The following TMEM94 variants were observed in gnomAD, a reference collection of about 807,000 sequenced individuals.
TMEM94 encodes the protein transmembrane protein 94, also known as ER Mg2+ ATPase.
TMEM94 carries 81 observed loss-of-function variants against 158.6 expected under a neutral mutation model. That is an observed-to-expected ratio of 0.51 (90% CI 0.43 to 0.61). The LOEUF (loss-of-function observed/expected upper bound fraction) is 0.61, where lower values mean the gene tolerates loss of function less well. Ranked by LOEUF, TMEM94 falls within the 20% of genes least tolerant of loss-of-function variation. The pLI is 0.00. For missense variants in TMEM94, 1,435 were observed against 1,762.0 expected (o/e 0.81, Z 3.32); for synonymous variants, 751 against 730.7 (o/e 1.03, Z -0.45).
Position 75,495,888 on chromosome 17 carries a change from C to A in TMEM94, c.2945-78C>A. 1 of 1,080,658 alleles carries A rather than the reference C, an allele frequency of 9.3e-7. No individual in the cohort carries two copies. The highest frequency in any genetic ancestry group is 1.4e-6 in the Non-Finnish European group (1 of 714,092). The allele number at this position is 1,080,658 out of a possible 1,614,324, so 66.9% of individuals were successfully genotyped here. On this transcript the variant is annotated intron_variant, in intron 22 of 31. Transcript: ENST00000314256. This position sits in a 1 kb window ranked among gnomAD's most constrained non-coding sequence, Gnocchi z 5.6. ...CCACCTCCCATCGCCTCCTGCTCTCCTGTCCCATGGGTCTCTGCCCAGTGC... is the reference window on the plus strand; with the variant it reads ...CCACCTCCCATCGCCTCCTGCTCTCATGTCCCATGGGTCTCTGCCCAGTGC...
chr17:75,485,568 T>C lies in TMEM94; in HGVS notation c.144+21T>C. 1.9e-6 allele frequency: 3 copies of C among 1,613,970 alleles called. No homozygotes were observed. The highest frequency in any genetic ancestry group is 1.6e-4 in the Middle Eastern group (1 of 6,062). On this transcript the variant is annotated intron_variant, in intron 3 of 31. Coordinates refer to ENST00000314256, the MANE Select transcript of TMEM94 (RefSeq NM_014738.6). This position sits in a 1 kb window ranked among gnomAD's most constrained non-coding sequence, Gnocchi z 5.5. ...GGAAGGTGAAGCTTCTTCTCGGGGCTACCAGGGCCTGGCTGGGATGGCAGG... is the reference window on the plus strand; with the variant it reads ...GGAAGGTGAAGCTTCTTCTCGGGGCCACCAGGGCCTGGCTGGGATGGCAGG...
chr17:75,486,507 G>C, intron 5 of TMEM94, 81 bp downstream of exon 5: 1 of 1,551,056 alleles, frequency 6.4e-7, no homozygotes, highest in Non-Finnish European at 8.8e-7. Context: ...CTGCACCCCA[G>C]CACAGACGGG....
chr17:75,492,883 GGTATTGC>G lies in TMEM94; in HGVS notation c.1913-45_1913-39del, dbSNP rs765094735. On this transcript the variant is annotated intron_variant, in intron 15 of 31. Transcript: ENST00000314256. This position sits in a 1 kb window ranked among gnomAD's most constrained non-coding sequence, Gnocchi z 4.4. ...TCACGGGACTTAATGGACCTGGCAG[GGTATTGC>G]CAGGGCATGGCCCTAAGTTCCTGTT... The G allele has an allele frequency of 1.3e-6, 2 of 1,591,280 alleles. No homozygotes were observed. Among genetic ancestry groups the G allele is most frequent in the South Asian group, 2.3e-5 (2 of 88,386 alleles).
chr17:75,489,138 A>G lies in TMEM94; in HGVS notation c.765-128A>G, dbSNP rs562897029. 1.5e-4 allele frequency: 146 copies of G among 985,484 alleles called. No individual in the cohort carries two copies. Among genetic ancestry groups the G allele is most frequent in the Admixed American group, 6.3e-4 (30 of 47,360 alleles). 61.0% of individuals were successfully genotyped at this position (985,484 alleles called of 1,614,324 possible). ...GGTGAACACGGGCTAGGGCCAGGGC[A>G]GAGCGTGGAACTGCAGGACTCACGG... On this transcript the variant is annotated intron_variant, in intron 7 of 31. Coordinates refer to ENST00000314256, the MANE Select transcript of TMEM94 (RefSeq NM_014738.6). This position sits in a 1 kb window ranked among gnomAD's most constrained non-coding sequence, Gnocchi z 5.0.
At chr17:75,456,810 C>T (rs927247149) in intron 1 of TMEM94, 59 bp downstream of exon 1, 5 of 152,494 alleles carry the variant, frequency 3.3e-5, no homozygotes, top group African/African-American at 9.6e-5. Flanking sequence ...GGGGCTCGGC[C>T]TTGCGCGTCC....
Position 75,498,648 on chromosome 17 carries a change from T to C in TMEM94, c.3753T>C (p.His1251=). ...CCCCAGTCTTCATTTCCATCACCCA[T>C]GTGCATCGCACCAAGCCCCTGTGGA... ...VLHTVFISIT[H]VHRTKPLWRK... Residue 1251 remains histidine, a synonymous_variant, in exon 30 of 32, where the codon CAT becomes CAC. Coordinates refer to ENST00000314256, the MANE Select transcript of TMEM94 (RefSeq NM_014738.6). This position sits in a 1 kb window ranked among gnomAD's most constrained non-coding sequence, Gnocchi z 6.7. 1 of 1,609,072 alleles carries C rather than the reference T, an allele frequency of 6.2e-7. No individual in the cohort carries two copies. The highest frequency in any genetic ancestry group is 8.5e-7 in the Non-Finnish European group (1 of 1,177,340).
rs561300997 is a variant in TMEM94, at chr17:75,496,581, C to T, written c.3243+110C>T. ...CCGGGGACCTCATTCCCCAGCCCTC[C>T]GAGCGGGCTCTCCCAGGCAGTTACA... On this transcript the variant is annotated intron_variant, in intron 24 of 31. Coordinates refer to ENST00000314256, the MANE Select transcript of TMEM94 (RefSeq NM_014738.6). 2.6e-4 allele frequency: 367 copies of T among 1,405,922 alleles called. 3 individuals carry two copies. The South Asian group carries it at 3.9e-3, about 15-fold the overall frequency. 87.1% of individuals were successfully genotyped at this position (1,405,922 alleles called of 1,614,324 possible).
chr17:75,472,269 G>A (rs865962129), intron 2 of TMEM94, among the ~76,000 whole-genome samples: 4 of 152,250 alleles, frequency 2.6e-5, no homozygotes, highest in African/African-American at 7.2e-5. Context: ...AACCTGCTGA[G>A]CCATGCTGAG....
rs1403808425 is a variant in TMEM94, at chr17:75,485,076, G to C, written c.25-352G>C. The stretch of plus-strand genomic sequence containing the variant: ...AAATTGTCCATGCAATCAAAGACTG[G>C]CCCCCTTGCAATAAATTGGGAGATC... On this transcript the variant is annotated intron_variant, in intron 2 of 31. Transcript: ENST00000314256. The surrounding 1 kb of genome is among the most constrained non-coding windows in gnomAD (Gnocchi z 5.5). 2.0e-5 allele frequency among the ~76,000 whole-genome samples: 3 copies of C among 152,072 alleles called. No homozygotes were observed. Among genetic ancestry groups the C allele is most frequent in the Non-Finnish European group, 4.4e-5 (3 of 68,022 alleles).
Position 75,492,400 on chromosome 17 carries a change from G to A in TMEM94, c.1597-74G>A. On this transcript the variant is annotated intron_variant, in intron 14 of 31. Transcript: ENST00000314256. This position sits in a 1 kb window ranked among gnomAD's most constrained non-coding sequence, Gnocchi z 4.4. ...GGGGCAGGAGCCCTCCCCAGCCTTGGGAGGTGGGCAGAGCCAGTGCTGGCT... is the reference window on the plus strand; with the variant it reads ...GGGGCAGGAGCCCTCCCCAGCCTTGAGAGGTGGGCAGAGCCAGTGCTGGCT... The A allele has an allele frequency of 6.7e-7, 1 of 1,502,670 alleles. No individual in the cohort carries two copies. Among genetic ancestry groups the A allele is most frequent in the East Asian group, 2.3e-5 (1 of 43,112 alleles). 93.1% of individuals were successfully genotyped at this position (1,502,670 alleles called of 1,614,324 possible).
At chr17:75,457,227 G>C (rs1041697990) in intron 1 of TMEM94, 1 of 152,278 alleles carries the variant, frequency 6.6e-6, no homozygotes, top group Non-Finnish European at 1.5e-5. Context: ...GCCGGCCGAG[G>C]GGCTCCTGGC....
In TMEM94 at chr17:75,485,256, G is replaced by T; in HGVS notation, c.25-172G>T. The T allele has an allele frequency of 1.6e-6, 1 of 636,370 alleles. No homozygotes were observed. Among genetic ancestry groups the T allele is most frequent in the Non-Finnish European group, 2.7e-6 (1 of 374,070 alleles). The allele number at this position is 636,370 out of a possible 1,614,324, so 39.4% of individuals were successfully genotyped here. A position where few individuals can be genotyped will look rare whatever the true frequency, so the allele number is the denominator to read the frequency against. The stretch of plus-strand genomic sequence containing the variant: ...TGTGCACTTGAACAGTTTGTAATTT[G>T]GTGGAGATGGACATGGTCACACCTT... On this transcript the variant is annotated intron_variant, in intron 2 of 31. Transcript: ENST00000314256. This position sits in a 1 kb window ranked among gnomAD's most constrained non-coding sequence, Gnocchi z 5.5.
chr17:75,473,477 A>G (rs566424504), intron 2 of TMEM94, among the ~76,000 whole-genome samples: 1 of 152,310 alleles, frequency 6.6e-6, no homozygotes, highest in East Asian at 1.9e-4. Context: ...TGAATCCCCC[A>G]AAACAGAGGA....
rs2052208055 is a variant in TMEM94, at chr17:75,491,737, T to G, written c.1433T>G (p.Leu478Arg). ...CTGGCTGGCTCCCTGAACAACACCC[T>G]GCACCTTTCCAATGAGCAGGAGCGT... ...ALLAGSLNNT[L>R]HLSNEQERGD... Residue 478 changes from leucine to arginine, a missense_variant, in exon 14 of 32, where the codon CTG (leucine) becomes CGG (arginine). Physicochemically the swap from Leu to Arg is moderately radical, Grantham distance 102 (BLOSUM62 -2). Around this residue, in one of 3 missense-constraint regions of TMEM94, gnomAD observed 1,051 missense variants for 1,254.4 expected, o/e 0.84. Coordinates refer to ENST00000314256, the MANE Select transcript of TMEM94 (RefSeq NM_014738.6). The surrounding 1 kb of genome is among the most constrained non-coding windows in gnomAD (Gnocchi z 5.1). The G allele has an allele frequency of 1.2e-6, 2 of 1,614,054 alleles. No homozygotes were observed. The highest frequency in any genetic ancestry group is 3.3e-5 in the Admixed American group (2 of 60,028).
chr17:75,476,415 C>T, intron 2 of TMEM94: 2 of 958,170 alleles, frequency 2.1e-6, no homozygotes, highest in Non-Finnish European at 2.9e-6. Flanking sequence ...CCTTCTCTTT[C>T]CTCTTCTCCC....
intron 1 of TMEM94, among the ~76,000 whole-genome samples, chr17:75,458,153 C>A (rs902871292): frequency 6.6e-6 from 1 of 152,048 alleles, no homozygotes; most frequent in African/African-American, 2.4e-5. Flanking sequence ...ATGCCTCTTC[C>A]TTGGTTTTTG....
intron 1 of TMEM94, among the ~76,000 whole-genome samples, chr17:75,471,322 G>A (rs57653620): frequency 6.6e-6 from 1 of 151,864 alleles, no homozygotes; most frequent in Non-Finnish European, 1.5e-5. Context: ...AATCCTCTCT[G>A]TAGCCCTCTC....
At chr17:75,459,450 T>G (rs545679299) in intron 1 of TMEM94, among the ~76,000 whole-genome samples, 1 of 152,304 alleles carries the variant, frequency 6.6e-6, no homozygotes, top group African/African-American at 2.4e-5. Context: ...TTTGAGAAGT[T>G]GCTAGGTGTG....
At position 75,465,491 on chromosome 17, in the gene TMEM94, C is replaced by T. The variant is rs368174056; in HGVS notation, c.-106-6309C>T. Among the ~76,000 whole-genome samples, 9 of 151,296 alleles carry T rather than the reference C, an allele frequency of 5.9e-5. No individual in the cohort carries two copies. In the East Asian group the frequency reaches 7.7e-4, roughly 13 times the overall value. ...TGTTGCCCAGGCTGGAGTGCAGTGG[C>T]GAGATCATGGCTCACTGCAACCTCC... On this transcript the variant is annotated intron_variant, in intron 1 of 31. Transcript: ENST00000314256.
Sources: allele counts gnomAD v4.1 joint callset (sites outside exome capture counted in the v4.1 genomes callset), GRCh38; gene constraint gnomAD v4.1.1; regional missense constraint gnomAD v4.1.1; non-coding constraint Gnocchi (gnomAD v3.1); transcripts MANE v1.5; gene names NCBI Gene and HGNC (gene_info 2026-07-23, HGNC 2026-07-21).